The following CLEC4G variants were observed in gnomAD, a reference collection of about 807,000 sequenced individuals.
CLEC4G encodes the protein C-type lectin superfamily 4, member G.
A neutral mutation model predicts 37.0 loss-of-function variants in CLEC4G; 34 were observed. The observed-to-expected ratio is 0.92, with a 90% CI of 0.70 to 1.22. CLEC4G has a LOEUF of 1.22. Among genes scored for constraint, CLEC4G ranks in the 50% most tolerant of loss-of-function variants. CLEC4G has a pLI of 0.00. For synonymous variants in CLEC4G, 167 were observed against 165.6 expected (o/e 1.01, Z -0.06); for missense variants, 390 against 392.9 (o/e 0.99, Z 0.06).
rs1568499833 is a variant in CLEC4G, at chr19:7,729,846, C to G, written c.718G>C (p.Val240Leu). The G allele has an allele frequency of 6.2e-7, 1 of 1,614,088 alleles. No homozygotes were observed. The highest frequency in any genetic ancestry group is 1.7e-5 in the Admixed American group (1 of 60,006). ...CTGAAGCTGAGAGAGACTCCGTCCACCCACTGGTAGCCCTGAACCTTGCCC... is the reference window on the plus strand; with the variant it reads ...CTGAAGCTGAGAGAGACTCCGTCCAGCCACTGGTAGCCCTGAACCTTGCCC... ...HLGKVQGYQW[V>L]DGVSLSFSHW... The change falls in exon 8 of 9, where the codon GTG (valine) becomes CTG (leucine). Residue 240 changes from valine to leucine, a missense_variant. Transcript: ENST00000328853.
Position 7,731,704 on chromosome 19 carries a change from G to A in CLEC4G, c.123C>T (p.Thr41=), listed in dbSNP as rs759251117. ...TCAGAATCACAGCCCAAAGGACTGT[G>A]GTGACCAGGACAGCCAGGGCCAAGA... ...PLFLALAVLV[T]TVLWAVILSI... is the part of the protein sequence containing the mutation. The change falls in exon 2 of 9, where the codon ACC becomes ACT. Residue 41 remains threonine, a synonymous_variant. Transcript: ENST00000328853. 6.2e-6 allele frequency: 10 copies of A among 1,613,992 alleles called. No individual in the cohort carries two copies. Among genetic ancestry groups the A allele is most frequent in the African/African-American group, 2.7e-5 (2 of 74,890 alleles).
chr19:7,730,562 G>A lies in CLEC4G; in HGVS notation c.389-122C>T. On this transcript the variant is annotated intron_variant, in intron 5 of 8. Coordinates refer to ENST00000328853, the MANE Select transcript of CLEC4G (RefSeq NM_198492.4). The surrounding 1 kb of genome is among the most constrained non-coding windows in gnomAD (Gnocchi z 7.3). ...ACCCTCGGTGCCAGCGTCCAGGATG[G>A]CACAGGGTCAAGGGCGGTTACAACT... 1 of 1,476,264 alleles carries A rather than the reference G, an allele frequency of 6.8e-7. No homozygotes were observed. Among genetic ancestry groups the A allele is most frequent in the Non-Finnish European group, 9.0e-7 (1 of 1,116,862 alleles). The allele number at this position is 1,476,264 out of a possible 1,614,324, so 91.4% of individuals were successfully genotyped here. A position where few individuals can be genotyped will look rare whatever the true frequency, so the allele number is the denominator to read the frequency against.
chr19:7,730,039 C>A lies in CLEC4G; in HGVS notation c.607G>T (p.Val203Phe). Residue 203 changes from valine (V) to phenylalanine (F), a missense_variant, in exon 7 of 9, where the codon GTT (valine) becomes TTT (phenylalanine). Coordinates refer to ENST00000328853, the MANE Select transcript of CLEC4G (RefSeq NM_198492.4). The surrounding 1 kb of genome is among the most constrained non-coding windows in gnomAD (Gnocchi z 7.3). ...CADASAHLVIVGGLDEQGFLT... is the reference protein window; with the variant it reads ...CADASAHLVIFGGLDEQGFLT... ...CGCACCTGCTCATCCAGGCCCCCAA[C>A]GATCACCAGGTGCGCGCTGGCATCT... 2 of 1,601,890 alleles carry A rather than the reference C, an allele frequency of 1.2e-6. No individual in the cohort carries two copies. Among genetic ancestry groups the A allele is most frequent in the South Asian group, 2.2e-5 (2 of 90,054 alleles).
At position 7,729,916 on chromosome 19, in the gene CLEC4G, C is replaced by T. The variant is rs2146299402; in HGVS notation, c.648G>A (p.Thr216=). The change falls in exon 8 of 9, where the codon ACG becomes ACA. Residue 216 remains threonine (T), a synonymous_variant. Coordinates refer to ENST00000328853, the MANE Select transcript of CLEC4G (RefSeq NM_198492.4). ...LDEQGFLTRN[T]RGRGYWLGLR... ...GGCCCAGCCAGTAACCACGGCCACG[C>T]GTGTTCCGAGTGAGGAAGCCCTAGA... The T allele has an allele frequency of 6.2e-7, 1 of 1,614,126 alleles. No individual in the cohort carries two copies.
In CLEC4G at chr19:7,730,589, G is replaced by A; in HGVS notation, c.389-149C>T. On this transcript the variant is annotated intron_variant, in intron 5 of 8. Coordinates refer to ENST00000328853, the MANE Select transcript of CLEC4G (RefSeq NM_198492.4). This position sits in a 1 kb window ranked among gnomAD's most constrained non-coding sequence, Gnocchi z 7.3. ...ACAGGGTCAAGGGCGGTTACAACTG[G>A]GCAGGGTCCGGGTGTGGCCGGCGCT... 6.9e-7 allele frequency: 1 copy of A among 1,453,042 alleles called. No individual in the cohort carries two copies. The highest frequency in any genetic ancestry group is 9.1e-7 in the Non-Finnish European group (1 of 1,104,538). The allele number at this position is 1,453,042 out of a possible 1,614,324, so 90.0% of individuals were successfully genotyped here.
At position 7,729,402 on chromosome 19, in the gene CLEC4G, C is replaced by T. The variant is rs200500150; in HGVS notation, c.846G>A (p.Lys282=). The T allele has an allele frequency of 1.1e-5, 18 of 1,609,582 alleles. No individual in the cohort carries two copies. The East Asian group carries it at 3.8e-4, about 34-fold the overall frequency. The change falls in exon 9 of 9, where the codon AAG becomes AAA. Residue 282 remains lysine (K), a synonymous_variant. Coordinates refer to ENST00000328853, the MANE Select transcript of CLEC4G (RefSeq NM_198492.4). ...LWNDAPCDSE[K]DGWICEKRHN... is the part of the protein sequence containing the mutation. ...GCCTTTTCTCACAGATCCAGCCGTC[C>T]TTCTCGCTGTCACACGGTGCGTCGT...
chr19:7,729,620 C>G, intron 8 of CLEC4G, 116 bp from the exon 9 acceptor site: 3 of 1,190,930 alleles, frequency 2.5e-6, no homozygotes, highest in Admixed American at 2.4e-5. Context: ...TCTAGACACC[C>G]CAACTGTCTA....
At position 7,730,324 on chromosome 19, in the gene CLEC4G, C is replaced by T. The variant is rs1271611305; in HGVS notation, c.478+27G>A. 4 of 1,320,924 alleles carry T rather than the reference C, an allele frequency of 3.0e-6. No homozygotes were observed. Among genetic ancestry groups the T allele is most frequent in the African/African-American group, 2.9e-5 (2 of 69,492 alleles). The allele number at this position is 1,320,924 out of a possible 1,614,324, so 81.8% of individuals were successfully genotyped here. ...CAGGGTCCGCTTACGCCCTCACAGCCCGCCCCCGACCCCCCGTCTCGCTCA... is the reference window on the plus strand; with the variant it reads ...CAGGGTCCGCTTACGCCCTCACAGCTCGCCCCCGACCCCCCGTCTCGCTCA... On this transcript the variant is annotated intron_variant, in intron 6 of 8. Transcript: ENST00000328853. This position sits in a 1 kb window ranked among gnomAD's most constrained non-coding sequence, Gnocchi z 7.3.
In CLEC4G at chr19:7,729,120, AT is replaced by A; in HGVS notation, c.*245del. On this transcript the variant is annotated 3_prime_UTR_variant, in exon 9 of 9. Transcript: ENST00000328853. The stretch of plus-strand genomic sequence containing the variant: ...ATATCACGGGGACGCAGGAGCAGGG[AT>A]TTTGGAGCTAGTGGAGGTTAGGTTG... The A allele has an allele frequency of 1.6e-6, 1 of 636,254 alleles. No individual in the cohort carries two copies. Among genetic ancestry groups the A allele is most frequent in the Non-Finnish European group, 2.9e-6 (1 of 340,266 alleles). 39.4% of individuals were successfully genotyped at this position (636,254 alleles called of 1,614,324 possible).
At position 7,730,435 on chromosome 19, in the gene CLEC4G, G is replaced by A; in HGVS notation, c.394C>T (p.Gln132Ter). The change falls in exon 6 of 9, where the codon CAG (glutamine) becomes TAG (stop). Residue 132 changes from glutamine (Q) to a stop codon, truncating the protein, a stop_gained. Coordinates refer to ENST00000328853, the MANE Select transcript of CLEC4G (RefSeq NM_198492.4). LOFTEE classifies it high-confidence loss of function. This position sits in a 1 kb window ranked among gnomAD's most constrained non-coding sequence, Gnocchi z 7.3. ...CCCCTGCCGGCTTCAGCCAAGCCCT[G>A]GGTCACTGCGGGGTCAAGGGAGCGG... ...ALRELRERVT[Q>*]GLAEAGRGRE... is the part of the protein sequence containing the mutation. 1.2e-6 allele frequency: 2 copies of A among 1,600,930 alleles called. No homozygotes were observed. The highest frequency in any genetic ancestry group is 1.7e-6 in the Non-Finnish European group (2 of 1,179,834).
At chr19:7,731,995 C>T (rs959352012) in intron 1 of CLEC4G, 53 bp downstream of exon 1, 1 of 1,483,750 alleles carries the variant, frequency 6.7e-7, no homozygotes. Flanking sequence ...CCTCCCCTCC[C>T]CCATCAAACC....
chr19:7,729,734 G>A, intron 8 of CLEC4G, 87 bp downstream of exon 8: 12 of 1,563,292 alleles, frequency 7.7e-6, no homozygotes, highest in South Asian at 3.6e-5. Context: ...AGCCCCAGCC[G>A]AGGGGTCCCT....
chr19:7,730,385 C>A lies in CLEC4G; in HGVS notation c.444G>T (p.Leu148=). 6.2e-7 allele frequency: 1 copy of A among 1,603,122 alleles called. No individual in the cohort carries two copies. Among genetic ancestry groups the A allele is most frequent in the Non-Finnish European group, 8.5e-7 (1 of 1,179,884 alleles). ...GRGREDVRTE[L]FRALEAVRLQ... is the part of the protein sequence containing the mutation. Reference sequence around the variant, plus strand: ...GCCTCACGGCCTCCAGCGCCCGGAACAGCTCAGTGCGGACGTCCTCACGGC... The same window carrying A: ...GCCTCACGGCCTCCAGCGCCCGGAAAAGCTCAGTGCGGACGTCCTCACGGC... Residue 148 remains leucine (L), a synonymous_variant, in exon 6 of 9, where the codon CTG becomes CTT. Transcript: ENST00000328853. This position sits in a 1 kb window ranked among gnomAD's most constrained non-coding sequence, Gnocchi z 7.3.
rs1181949956 is a variant in CLEC4G, at chr19:7,730,105, C to T, written c.541G>A (p.Val181Met). The T allele has an allele frequency of 3.7e-6, 6 of 1,611,998 alleles. No homozygotes were observed. The highest frequency in any genetic ancestry group is 5.1e-6 in the Non-Finnish European group (6 of 1,179,488). Residue 181 changes from valine (V) to methionine (M), a missense_variant, in exon 7 of 9, where the codon GTG becomes ATG. Physicochemically the swap from Val to Met is conservative, Grantham distance 21. Transcript: ENST00000328853. The surrounding 1 kb of genome is among the most constrained non-coding windows in gnomAD (Gnocchi z 7.3). Reference protein sequence around the residue: ...SFEGSCYFFSVPKTTWAAAQD... With the variant: ...SFEGSCYFFSMPKTTWAAAQD... ...GCCGCCGCCCACGTCGTCTTTGGCA[C>T]AGAGAAAAAGTAGCAGGAGCCCTCG...
chr19:7,730,024 C>A lies in CLEC4G; in HGVS notation c.622G>T (p.Glu208Ter). 6.3e-7 allele frequency: 1 copy of A among 1,598,568 alleles called. No homozygotes were observed. The highest frequency in any genetic ancestry group is 1.1e-5 in the South Asian group (1 of 89,730). ...CGCCCCCTCCCCCTGCGCACCTGCT[C>A]ATCCAGGCCCCCAACGATCACCAGG... is the stretch of plus-strand genomic sequence containing the variant. ...AHLVIVGGLD[E>*]QGFLTRNTRG... The change falls in exon 7 of 9, where the codon GAG (glutamate) becomes TAG (stop). Residue 208 changes from glutamate (E) to a stop codon, truncating the protein, a stop_gained. Transcript: ENST00000328853. LOFTEE classifies it high-confidence loss of function. This position sits in a 1 kb window ranked among gnomAD's most constrained non-coding sequence, Gnocchi z 7.3.
chr19:7,729,849 A>G lies in CLEC4G; in HGVS notation c.715T>C (p.Trp239Arg). 6.2e-7 allele frequency: 1 copy of G among 1,613,902 alleles called. No individual in the cohort carries two copies. Among genetic ancestry groups the G allele is most frequent in the South Asian group, 1.1e-5 (1 of 91,070 alleles). ...RHLGKVQGYQWVDGVSLSFSH... is the reference protein window; with the variant it reads ...RHLGKVQGYQRVDGVSLSFSH... ...AAGCTGAGAGAGACTCCGTCCACCC[A>G]CTGGTAGCCCTGAACCTTGCCCAGA... Residue 239 changes from tryptophan to arginine, a missense_variant, in exon 8 of 9, where the codon TGG becomes CGG. Trp to Arg is a moderately radical substitution (Grantham distance 101). Coordinates refer to ENST00000328853, the MANE Select transcript of CLEC4G (RefSeq NM_198492.4).
In CLEC4G at chr19:7,730,646, C is replaced by G; in HGVS notation, c.388+109G>C. ...GGCAGTCAAGGTCAGAGTGCAGCGT[C>G]AGGGTCAGGACGGGGTGCATGATCG... On this transcript the variant is annotated intron_variant, in intron 5 of 8. Coordinates refer to ENST00000328853, the MANE Select transcript of CLEC4G (RefSeq NM_198492.4). The surrounding 1 kb of genome is among the most constrained non-coding windows in gnomAD (Gnocchi z 7.3). 6.9e-7 allele frequency: 1 copy of G among 1,456,416 alleles called. No homozygotes were observed. The highest frequency in any genetic ancestry group is 2.5e-5 in the East Asian group (1 of 39,712). 90.2% of individuals were successfully genotyped at this position (1,456,416 alleles called of 1,614,324 possible). A position where few individuals can be genotyped will look rare whatever the true frequency, so the allele number is the denominator to read the frequency against.
rs2033391507 is a variant in CLEC4G, at chr19:7,729,376, T to C, written c.872A>G (p.His291Arg). 4.4e-6 allele frequency: 7 copies of C among 1,607,606 alleles called. No homozygotes were observed. The East Asian group carries it at 1.6e-4, about 36-fold the overall frequency. The change falls in exon 9 of 9, where the codon CAC becomes CGC. Residue 291 changes from histidine to arginine, a missense_variant. Transcript: ENST00000328853. ...GGGCACTGGGCGGGGTCAGCAGTTG[T>C]GCCTTTTCTCACAGATCCAGCCGTC... ...EKDGWICEKR[H>R]NC
rs2033413123 is a variant in CLEC4G at position 7,730,546 on chromosome 19, G to A, written c.389-106C>T. The A allele has an allele frequency of 2.0e-6, 3 of 1,499,880 alleles. No individual in the cohort carries two copies. Among genetic ancestry groups the A allele is most frequent in the Admixed American group, 2.2e-5 (1 of 45,482 alleles). The allele number at this position is 1,499,880 out of a possible 1,614,324, so 92.9% of individuals were successfully genotyped here. On this transcript the variant is annotated intron_variant, in intron 5 of 8. Coordinates refer to ENST00000328853, the MANE Select transcript of CLEC4G (RefSeq NM_198492.4). The surrounding 1 kb of genome is among the most constrained non-coding windows in gnomAD (Gnocchi z 7.3). ...TGTCTGTGGTCATTGTACCCTCGGT[G>A]CCAGCGTCCAGGATGGCACAGGGTC...
Sources: allele counts gnomAD v4.1 joint callset, GRCh38; gene constraint gnomAD v4.1.1; non-coding constraint Gnocchi (gnomAD v3.1); transcripts MANE v1.5; gene names NCBI Gene and HGNC (gene_info 2026-07-23, HGNC 2026-07-21).